The following DRC8 variants were observed in gnomAD, a reference collection of about 807,000 sequenced individuals.
DRC8 encodes the protein dynein regulatory complex subunit 8, also known as dynein regulatory complex protein 8.
chr1:245,042,747 A>G, the DRC8 span, among the ~76,000 whole-genome samples: 1 of 151,846 alleles, frequency 6.6e-6, no homozygotes, highest in Non-Finnish European at 1.5e-5. Context: ...TTTGTCTCTT[A>G]TAATTGTGTG....
the DRC8 span, among the ~76,000 whole-genome samples, chr1:245,052,166 C>T: frequency 2.6e-5 from 4 of 152,142 alleles, no homozygotes; most frequent in African/African-American, 7.2e-5. Flanking sequence ...AGTCAACAGA[C>T]GACTGAGCGG....
At chr1:245,014,804 C>T in the DRC8 span, among the ~76,000 whole-genome samples, 3 of 152,078 alleles carry the variant, frequency 2.0e-5, no homozygotes, top group East Asian at 1.9e-4. Flanking sequence ...TTTTTCTCTA[C>T]GGTTGTAAAA....
the DRC8 span, among the ~76,000 whole-genome samples, chr1:245,049,119 G>A: frequency 7.2e-5 from 11 of 152,008 alleles, no homozygotes; most frequent in Non-Finnish European, 1.3e-4. The surrounding 1 kb of genome is among the most constrained non-coding windows in gnomAD (Gnocchi z 4.5). Context: ...CGAGTAGCTG[G>A]ACTTACAGGT....
At chr1:245,091,974 C>A in the DRC8 span, among the ~76,000 whole-genome samples, 44 of 152,340 alleles carry the variant, frequency 2.9e-4, no homozygotes, top group Middle Eastern at 3.4e-3. Flanking sequence ...GCCTGCCATA[C>A]CCCACAGCTT....
chr1:245,057,859 C>T, the DRC8 span, among the ~76,000 whole-genome samples: 1 of 152,138 alleles, frequency 6.6e-6, no homozygotes, highest in Non-Finnish European at 1.5e-5. Flanking sequence ...AATTTTCCTA[C>T]TGTACTATCA....
At chr1:245,117,344 G>A in the DRC8 span, among the ~76,000 whole-genome samples, 3 of 151,864 alleles carry the variant, frequency 2.0e-5, no homozygotes, top group African/African-American at 2.4e-5. Context: ...ATGAGCCACC[G>A]TGCCCGGCCT....
chr1:245,017,293 T>C, the DRC8 span: 1 of 1,609,946 alleles, frequency 6.2e-7, no homozygotes, highest in Non-Finnish European at 8.5e-7. Context: ...TTTGAAGTCT[T>C]TGACCATGAG....
chr1:245,040,061 A>G, the DRC8 span, among the ~76,000 whole-genome samples: 1 of 152,220 alleles, frequency 6.6e-6, no homozygotes, highest in African/African-American at 2.4e-5. Flanking sequence ...GCCCACAAGT[A>G]GCATCCGTTG....
At chr1:245,057,986 C>CT in the DRC8 span, among the ~76,000 whole-genome samples, 1 of 152,146 alleles carries the variant, frequency 6.6e-6, no homozygotes, top group African/African-American at 2.4e-5. Flanking sequence ...ATTCTACTCT[C>CT]TACCTCCCTG....
chr1:245,093,059 G>C, the DRC8 span, among the ~76,000 whole-genome samples: 1 of 152,160 alleles, frequency 6.6e-6, no homozygotes, highest in Non-Finnish European at 1.5e-5. Context: ...GGCAGAGAGG[G>C]AGAGAGAAAA....
chr1:245,024,707 C>T, the DRC8 span, among the ~76,000 whole-genome samples: 2 of 151,862 alleles, frequency 1.3e-5, no homozygotes, highest in Non-Finnish European at 2.9e-5. Context: ...GTCCACCTGG[C>T]TAATTTTTGT....
At chr1:245,021,891 C>T in the DRC8 span, among the ~76,000 whole-genome samples, 1 of 152,114 alleles carries the variant, frequency 6.6e-6, no homozygotes, top group Non-Finnish European at 1.5e-5. Context: ...CCCAGGCTGA[C>T]CTTGAAACCC....
the DRC8 span, among the ~76,000 whole-genome samples, chr1:244,976,806 T>C: frequency 1.1e-4 from 17 of 152,314 alleles, no homozygotes; most frequent in African/African-American, 3.4e-4. Context: ...TCCACAGTAA[T>C]TGAAAGCAAG....
chr1:245,094,870 C>T, the DRC8 span, among the ~76,000 whole-genome samples: 8 of 152,188 alleles, frequency 5.3e-5, no homozygotes, highest in Non-Finnish European at 1.0e-4. Flanking sequence ...TAATGCTTTG[C>T]TTCATCTCTT....
chr1:245,020,794 A>ATTT, the DRC8 span, among the ~76,000 whole-genome samples: 1 of 125,944 alleles, frequency 7.9e-6, no homozygotes, highest in Non-Finnish European at 1.7e-5. Flanking sequence ...TAATTTTCGT[A>ATTT]TTTTTTTTTT....
chr1:245,106,265 T>C, the DRC8 span, among the ~76,000 whole-genome samples: 1 of 152,200 alleles, frequency 6.6e-6, no homozygotes, highest in Non-Finnish European at 1.5e-5. Context: ...CACTGCTCTT[T>C]CTGTCACAGT....
the DRC8 span, among the ~76,000 whole-genome samples, chr1:245,053,570 G>A: frequency 2.6e-3 from 393 of 152,360 alleles, 4 homozygotes; most frequent in South Asian, 0.012. Flanking sequence ...GTTTGTAGGT[G>A]TACAGGGAGA....
the DRC8 span, among the ~76,000 whole-genome samples, chr1:244,996,569 A>G: frequency 2.0e-5 from 3 of 152,138 alleles, no homozygotes; most frequent in African/African-American, 4.8e-5. Context: ...AGACTGTCAC[A>G]TGTTGTTGAT....
At chr1:245,081,986 T>C in the DRC8 span, 1 of 965,732 alleles carries the variant, frequency 1.0e-6, no homozygotes, top group Non-Finnish European at 1.7e-6. Context: ...GTGCTCACCA[T>C]CCAGAGTCTC....
Sources: gnomAD v4.1 joint callset for allele counts (sites outside exome capture counted in the v4.1 genomes callset) on GRCh38, gnomAD v4.1.1 for gene constraint, Gnocchi (gnomAD v3.1) non-coding constraint, MANE v1.5 for transcripts, NCBI Gene and HGNC (gene_info 2026-07-23, HGNC 2026-07-21) for gene names.